The following VPS54 variants were observed in gnomAD, a reference collection of about 807,000 sequenced individuals.
VPS54 encodes the protein VPS54 subunit of GARP complex.
Under a neutral mutation model 121.5 loss-of-function variants are expected in VPS54, and 45 were observed. That is an observed-to-expected ratio of 0.37 (90% CI 0.29 to 0.47). VPS54 has a LOEUF of 0.47. Ranked by LOEUF, VPS54 falls within the 20% of genes least tolerant of loss-of-function variation. The pLI is 0.99. For missense variants in VPS54, 1,090 were observed against 1,131.4 expected, an observed-to-expected ratio of 0.96 and a Z score of 0.52; for synonymous variants, 371 against 385.8, an observed-to-expected ratio of 0.96 and a Z score of 0.45.
chr2:63,945,541 A>AT (rs1274170210), intron 9 of VPS54, among the ~76,000 whole-genome samples: 3 of 152,184 alleles, frequency 2.0e-5, no homozygotes, highest in Non-Finnish European at 1.5e-5. Context: ...TGAACTTAAG[A>AT]TAAAAAAAAA....
intron 22 of VPS54, among the ~76,000 whole-genome samples, chr2:63,896,951 T>TA (rs1207861293): frequency 6.6e-6 from 1 of 152,172 alleles, no homozygotes; most frequent in East Asian, 1.9e-4. Flanking sequence ...CAACAGCTAG[T>TA]AAGTGACAGA....
intron 1 of VPS54, among the ~76,000 whole-genome samples, chr2:63,998,536 G>A (rs1474239790): frequency 6.6e-6 from 1 of 152,030 alleles, no homozygotes; most frequent in Non-Finnish European, 1.5e-5. Flanking sequence ...ATGACTTAAT[G>A]TCTTGGTTTC....
chr2:63,919,801 C>T, intron 15 of VPS54, 82 bp downstream of exon 15: 1 of 1,000,678 alleles, frequency 1.0e-6, no homozygotes, highest in Non-Finnish European at 1.4e-6. Flanking sequence ...TAGGCATTGT[C>T]AACTAAAGAA....
At chr2:63,973,411 A>G (rs1424028979) in intron 3 of VPS54, among the ~76,000 whole-genome samples, 1 of 152,208 alleles carries the variant, frequency 6.6e-6, no homozygotes, top group East Asian at 1.9e-4. Context: ...ATTATTTGCT[A>G]TGTTGACCAT....
intron 22 of VPS54, among the ~76,000 whole-genome samples, chr2:63,894,971 G>T (rs977013428): frequency 6.6e-6 from 1 of 152,168 alleles, no homozygotes; most frequent in South Asian, 2.1e-4. Flanking sequence ...TGCAGATGGG[G>T]TGTAAAGGTG....
chr2:63,953,482 A>G (rs1233307619), intron 7 of VPS54, among the ~76,000 whole-genome samples: 1 of 152,138 alleles, frequency 6.6e-6, no homozygotes, highest in Non-Finnish European at 1.5e-5. Flanking sequence ...CTGTTTATGT[A>G]CTATGGCCCT....
intron 16 of VPS54, among the ~76,000 whole-genome samples, chr2:63,914,987 A>G (rs999240369): frequency 7.3e-5 from 11 of 151,594 alleles, no homozygotes; most frequent in Non-Finnish European, 1.5e-4. Context: ...CCCTGTCTCT[A>G]TTAAAAATTC....
rs1672251138 is a variant in VPS54, at chr2:63,892,269, T to TAA, written c.*1160_*1161insTT. ...GAAACCAAAGAGCACAAAATAAGAC[T>TAA]GTTTCATTATACATAATCACCACAG... On this transcript the variant is annotated 3_prime_UTR_variant, in exon 23 of 23. Transcript: ENST00000272322. The TAA allele has an allele frequency of 6.6e-6, 1 of 152,162 alleles. No homozygotes were observed. The highest frequency in any genetic ancestry group is 1.5e-5 in the Non-Finnish European group (1 of 68,012). 9.4% of individuals were successfully genotyped at this position (152,162 alleles called of 1,614,324 possible). A position where few individuals can be genotyped will look rare whatever the true frequency, so the allele number is the denominator to read the frequency against.
chr2:63,996,932 C>T (rs1035391484), intron 1 of VPS54, among the ~76,000 whole-genome samples: 1 of 152,160 alleles, frequency 6.6e-6, no homozygotes, highest in Admixed American at 6.5e-5. Flanking sequence ...CCTATTCATA[C>T]ACTCCCTCCC....
At chr2:63,910,461 T>C (rs573643949) in intron 20 of VPS54, among the ~76,000 whole-genome samples, 1 of 152,310 alleles carries the variant, frequency 6.6e-6, no homozygotes, top group South Asian at 2.1e-4. Context: ...AAACAAATTA[T>C]TATAAAAAGA....
intron 8 of VPS54, among the ~76,000 whole-genome samples, 180 bp downstream of exon 8, chr2:63,948,857 C>T (rs1559014587): frequency 6.6e-6 from 1 of 152,128 alleles, no homozygotes; most frequent in Non-Finnish European, 1.5e-5. Context: ...TTCTCTAATT[C>T]CATAGGATAG....
At chr2:63,896,330 T>G (rs1030997751) in intron 22 of VPS54, among the ~76,000 whole-genome samples, 11 of 152,246 alleles carry the variant, frequency 7.2e-5, no homozygotes, top group South Asian at 6.2e-4. Context: ...TTTTTGGTTG[T>G]TTGTCAAAAG....
chr2:63,926,116 C>T (rs980662535), intron 12 of VPS54, among the ~76,000 whole-genome samples: 2 of 152,174 alleles, frequency 1.3e-5, no homozygotes, highest in Non-Finnish European at 2.9e-5. Context: ...GGTATCAGCC[C>T]TTTGTCCTCT....
chr2:64,012,631 C>G (rs1225781083), intron 1 of VPS54, among the ~76,000 whole-genome samples: 2 of 151,670 alleles, frequency 1.3e-5, no homozygotes, highest in Non-Finnish European at 2.9e-5. Flanking sequence ...CCTGCTTCAT[C>G]TGGGACCTTT....
At chr2:63,970,017 A>C (rs779013859) in intron 4 of VPS54, among the ~76,000 whole-genome samples, 1 of 151,386 alleles carries the variant, frequency 6.6e-6, no homozygotes, top group Non-Finnish European at 1.5e-5. Context: ...GCCAATCCCA[A>C]CTCAGATAAG....
At chr2:63,999,841 CTCTT>C (rs1192854463) in intron 1 of VPS54, among the ~76,000 whole-genome samples, 3 of 151,928 alleles carry the variant, frequency 2.0e-5, no homozygotes, top group Non-Finnish European at 4.4e-5. Flanking sequence ...AGCTCACTAA[CTCTT>C]TCTTCTGCTT....
chr2:63,933,758 C>G lies in VPS54; in HGVS notation c.1654G>C (p.Val552Leu), dbSNP rs754223132. 6.2e-7 allele frequency: 1 copy of G among 1,613,868 alleles called. No individual in the cohort carries two copies. Among genetic ancestry groups the G allele is most frequent in the Non-Finnish European group, 8.5e-7 (1 of 1,179,844 alleles). The change falls in exon 12 of 23, where the codon GTA becomes CTA. Residue 552 changes from valine to leucine, a missense_variant. Physicochemically the swap from Val to Leu is conservative, Grantham distance 32 (BLOSUM62 1). Coordinates refer to ENST00000272322, the MANE Select transcript of VPS54 (RefSeq NM_016516.3). ...TCAGTAGTACATTCTGGCTCGGATA[C>G]AGAATCACTGCTGCAGGGCTCACTA... is the stretch of plus-strand genomic sequence containing the variant. ...PNSEPCSSDS[V>L]SEPECTTDSS...
intron 9 of VPS54, among the ~76,000 whole-genome samples, chr2:63,946,228 T>G (rs1674971143): frequency 6.6e-6 from 1 of 152,188 alleles, no homozygotes. Flanking sequence ...TTCATTCTCA[T>G]TAATGTATAG....
At chr2:63,909,605 AG>A (rs1673049732) in intron 20 of VPS54, among the ~76,000 whole-genome samples, 1 of 150,610 alleles carries the variant, frequency 6.6e-6, no homozygotes, top group African/African-American at 2.4e-5. Flanking sequence ...TTTTTAGTAG[AG>A]ACAGGGTTTA....
Sources: gnomAD v4.1 joint callset for allele counts (sites outside exome capture counted in the v4.1 genomes callset) on GRCh38, gnomAD v4.1.1 for gene constraint, MANE v1.5 for transcripts, NCBI Gene and HGNC (gene_info 2026-07-23, HGNC 2026-07-21) for gene names.